HDAC4: variants seen among roughly 807,000 people sequenced by gnomAD.
HDAC4 encodes histone deacetylase 4, also known as histone deacetylase A.
Under a neutral mutation model 135.1 loss-of-function variants are expected in HDAC4, and 16 were observed. That is an observed-to-expected ratio of 0.12 (90% CI 0.08 to 0.18). The LOEUF (loss-of-function observed/expected upper bound fraction) is 0.18. Among genes scored for constraint, HDAC4 ranks in the 10% least tolerant of loss-of-function variants. The pLI is 1.00. For synonymous variants in HDAC4, 685 were observed against 653.4 expected (o/e 1.05, Z -0.74); for missense variants, 1,143 against 1,511.8 (o/e 0.76, Z 4.05).
Position 239,331,007 on chromosome 2 carries a change from G to A in HDAC4, c.22+21671C>T, listed in dbSNP as rs1038872259. Among the ~76,000 whole-genome samples the A allele has an allele frequency of 6.6e-6, 1 of 152,178 alleles. No homozygotes were observed. The highest frequency in any genetic ancestry group is 1.9e-4 in the East Asian group (1 of 5,198). On this transcript the variant is annotated intron_variant, in intron 2 of 26. Transcript: ENST00000543185. The surrounding 1 kb of genome is among the most constrained non-coding windows in gnomAD (Gnocchi z 4.5). The stretch of plus-strand genomic sequence containing the variant: ...CACAGACCTGCTGCCCTGTGCGTGC[G>A]CATTCCCAACCTGCCTGACCTTGGC...
At chr2:239,243,609 A>G (rs1378045327) in intron 2 of HDAC4, among the ~76,000 whole-genome samples, 1 of 152,214 alleles carries the variant, frequency 6.6e-6, no homozygotes, top group Non-Finnish European at 1.5e-5. Flanking sequence ...ACGGAAGCTT[A>G]GGGCTACTGG....
At chr2:239,300,764 T>C (rs1187005143) in intron 2 of HDAC4, among the ~76,000 whole-genome samples, 1 of 152,254 alleles carries the variant, frequency 6.6e-6, no homozygotes, top group Non-Finnish European at 1.5e-5. Context: ...TTACAGAATT[T>C]TTCCGACTGC....
In HDAC4 at chr2:239,309,792, G is replaced by A. The variant is rs1473762709; in HGVS notation, c.22+42886C>T. ...ATCTGGGGAAGCTGTGAGGACTGGT[G>A]TTGATAAAACATTCCAACCACACAC... On this transcript the variant is annotated intron_variant, in intron 2 of 26. Coordinates refer to ENST00000543185, the MANE Select transcript of HDAC4 (RefSeq NM_001378414.1). The surrounding 1 kb of genome is among the most constrained non-coding windows in gnomAD (Gnocchi z 4.2). Among the ~76,000 whole-genome samples, 3 of 152,246 alleles carry A rather than the reference G, an allele frequency of 2.0e-5. No individual in the cohort carries two copies. The highest frequency in any genetic ancestry group is 4.4e-5 in the Non-Finnish European group (3 of 68,048).
chr2:239,171,470 CAA>C (rs1046655697), intron 5 of HDAC4, among the ~76,000 whole-genome samples: 1 of 152,112 alleles, frequency 6.6e-6, no homozygotes, highest in Non-Finnish European at 1.5e-5. Flanking sequence ...AAAAAGGAAA[CAA>C]AGACACAAAA....
In HDAC4 at chr2:239,121,936, G is replaced by A. The variant is rs144597859; in HGVS notation, c.1533+4520C>T. 4.7e-3 allele frequency among the ~76,000 whole-genome samples: 710 copies of A among 152,318 alleles called. 3 individuals carry two copies. Among genetic ancestry groups the A allele is most frequent in the Middle Eastern group, 0.02 (6 of 294 alleles). Reference sequence around the variant, plus strand: ...CAGAGCTGGCTTTGGGAGGTGAGCCGGACGCGGGCAAACAATTGAAGCAGC... The same window carrying A: ...CAGAGCTGGCTTTGGGAGGTGAGCCAGACGCGGGCAAACAATTGAAGCAGC... On this transcript the variant is annotated intron_variant, in intron 12 of 26. Coordinates refer to ENST00000543185, the MANE Select transcript of HDAC4 (RefSeq NM_001378414.1).
chr2:239,259,185 C>G (rs972360368), intron 2 of HDAC4, among the ~76,000 whole-genome samples: 1 of 152,208 alleles, frequency 6.6e-6, no homozygotes, highest in African/African-American at 2.4e-5. Context: ...CAGTGGCTCA[C>G]GCCTGTAATC....
chr2:239,351,124 C>A (rs1042556672), intron 2 of HDAC4, among the ~76,000 whole-genome samples: 7 of 152,292 alleles, frequency 4.6e-5, no homozygotes, highest in African/African-American at 1.7e-4. Context: ...TGACAGTCAA[C>A]CTAATGATGT....
intron 3 of HDAC4, among the ~76,000 whole-genome samples, chr2:239,221,444 A>T (rs1575446706): frequency 6.6e-6 from 1 of 152,202 alleles, no homozygotes; most frequent in Admixed American, 6.5e-5. Flanking sequence ...CAAAAAAGAC[A>T]GGAGTGTGGC....
At chr2:239,310,143 C>T (rs2052801108) in intron 2 of HDAC4, among the ~76,000 whole-genome samples, 1 of 152,252 alleles carries the variant, frequency 6.6e-6, no homozygotes, top group Non-Finnish European at 1.5e-5. Context: ...CCGTGGCAGT[C>T]ATTCAGCCTT....
chr2:239,122,774 A>C (rs2039804751), intron 12 of HDAC4, among the ~76,000 whole-genome samples: 1 of 152,214 alleles, frequency 6.6e-6, no homozygotes, highest in African/African-American at 2.4e-5. Context: ...TTTTATTCAC[A>C]GTGATGTTTC....
At chr2:239,270,566 T>C (rs1242507666) in intron 2 of HDAC4, among the ~76,000 whole-genome samples, 4 of 152,208 alleles carry the variant, frequency 2.6e-5, no homozygotes, top group African/African-American at 9.6e-5. Context: ...TAGACATTTA[T>C]AACCTAATCA....
chr2:239,264,765 G>T, intron 2 of HDAC4, among the ~76,000 whole-genome samples: 1 of 152,198 alleles, frequency 6.6e-6, no homozygotes, highest in East Asian at 1.9e-4. Context: ...CATGCCTTGC[G>T]GCAGGTCCCA....
In HDAC4 at chr2:239,306,965, C is replaced by G. The variant is rs988468208; in HGVS notation, c.22+45713G>C. Among the ~76,000 whole-genome samples, 1 of 152,100 alleles carries G rather than the reference C, an allele frequency of 6.6e-6. No individual in the cohort carries two copies. The highest frequency in any genetic ancestry group is 1.5e-5 in the Non-Finnish European group (1 of 67,992). ...CGCCTGCACCCTGGGCCCAGGGTAA[C>G]CCAGAAGCAGCAGGAGCCGCAGGAC... On this transcript the variant is annotated intron_variant, in intron 2 of 26. Transcript: ENST00000543185. The surrounding 1 kb of genome is among the most constrained non-coding windows in gnomAD (Gnocchi z 4.5).
intron 3 of HDAC4, among the ~76,000 whole-genome samples, chr2:239,223,962 GC>G (rs2047105676): frequency 6.6e-6 from 1 of 151,926 alleles, no homozygotes; most frequent in Non-Finnish European, 1.5e-5. Context: ...TGCTATGAAT[GC>G]CCAGCGCAGG....
intron 12 of HDAC4, among the ~76,000 whole-genome samples, chr2:239,120,406 C>CACACACAG (rs1559466982): frequency 6.1e-5 from 8 of 131,234 alleles, no homozygotes; most frequent in Non-Finnish European, 9.8e-5. Context: ...CACACAGACA[C>CACACACAG]ACACACACAG....
chr2:239,157,094 C>A (rs548363968), intron 6 of HDAC4, among the ~76,000 whole-genome samples: 1 of 152,322 alleles, frequency 6.6e-6, no homozygotes, highest in African/African-American at 2.4e-5. Flanking sequence ...CCAGTCAGTT[C>A]GCTACCAGGG....
At chr2:239,065,047 G>A (rs947302187) in intron 24 of HDAC4, among the ~76,000 whole-genome samples, 2 of 152,208 alleles carry the variant, frequency 1.3e-5, no homozygotes, top group African/African-American at 2.4e-5. Context: ...TCGTGACCTC[G>A]AGTGCCTCTG....
In HDAC4 at chr2:239,246,250, C is replaced by A. The variant is rs73098757; in HGVS notation, c.23-9586G>T. Among the ~76,000 whole-genome samples, 735 of 152,280 alleles carry A rather than the reference C, an allele frequency of 4.8e-3. 3 individuals carry two copies. Among genetic ancestry groups the A allele is most frequent in the African/African-American group, 0.012 (487 of 41,552 alleles). On this transcript the variant is annotated intron_variant, in intron 2 of 26. Coordinates refer to ENST00000543185, the MANE Select transcript of HDAC4 (RefSeq NM_001378414.1). Reference sequence around the variant, plus strand: ...GGAGTGAGCCACGGGGGAAAGGGAACAGCAGGTTACTCGGGGATTTTCCCA... The same window carrying A: ...GGAGTGAGCCACGGGGGAAAGGGAAAAGCAGGTTACTCGGGGATTTTCCCA...
chr2:239,231,896 G>A (rs1302895362), intron 3 of HDAC4, among the ~76,000 whole-genome samples: 2 of 145,832 alleles, frequency 1.4e-5, no homozygotes, highest in African/African-American at 2.5e-5. Flanking sequence ...ACCTGCTCCC[G>A]GATGCCTGAG....
Sources: allele counts gnomAD v4.1 joint callset (sites outside exome capture counted in the v4.1 genomes callset), GRCh38; gene constraint gnomAD v4.1.1; non-coding constraint Gnocchi (gnomAD v3.1); transcripts MANE v1.5; gene names NCBI Gene and HGNC (gene_info 2026-07-23, HGNC 2026-07-21).